Variants in RBFOX1 observed in about 807,000 individuals in gnomAD.
RBFOX1 encodes RNA binding fox-1 homolog 1, also known as RNA binding protein fox-1 homolog 1.
RBFOX1 carries 8 observed loss-of-function variants against 57.7 expected under a neutral mutation model. The ratio of observed to expected loss-of-function variants is 0.14; its 90% CI spans 0.08 to 0.25. The LOEUF (loss-of-function observed/expected upper bound fraction) is 0.25. Among genes scored for constraint, RBFOX1 ranks in the 10% least tolerant of loss-of-function variants. The pLI is 1.00. For missense variants in RBFOX1, 611 were observed against 548.5 expected, an observed-to-expected ratio of 1.11 and a Z score of -1.14; for synonymous variants, 326 against 222.4, an observed-to-expected ratio of 1.47 and a Z score of -4.15.
chr16:6,869,943 G>T (rs1444932253), intron 3 of RBFOX1, among the ~76,000 whole-genome samples: 1 of 152,148 alleles, frequency 6.6e-6, no homozygotes, highest in African/African-American at 2.4e-5. Flanking sequence ...GCGTCTTGGG[G>T]ACTGCTTACT....
chr16:5,813,615 A>G (rs2055514289), intron 3 of RBFOX1, among the ~76,000 whole-genome samples: 1 of 152,222 alleles, frequency 6.6e-6, no homozygotes. Context: ...GGCAAGTCTC[A>G]CTATTGAGTT....
chr16:5,538,759 TG>T (rs767896467), intron 2 of RBFOX1, among the ~76,000 whole-genome samples: 33 of 152,212 alleles, frequency 2.2e-4, no homozygotes, highest in Admixed American at 5.2e-4. Flanking sequence ...CCCGAGTAGC[TG>T]GGACTACAGG....
intron 3 of RBFOX1, among the ~76,000 whole-genome samples, chr16:6,994,893 G>A (rs2092022904): frequency 6.6e-6 from 1 of 151,622 alleles, no homozygotes; most frequent in Non-Finnish European, 1.5e-5. Context: ...AATTAACTTG[G>A]ATATCTCTAT....
chr16:7,579,607 C>G (rs2093598340), intron 5 of RBFOX1, among the ~76,000 whole-genome samples, 170 bp from the exon 6 acceptor site: 1 of 152,192 alleles, frequency 6.6e-6, no homozygotes, highest in Non-Finnish European at 1.5e-5. Context: ...CCAGTGGACG[C>G]TCAGAAAACA....
At chr16:5,673,223 C>A (rs1596688167) in intron 3 of RBFOX1, among the ~76,000 whole-genome samples, 1 of 151,996 alleles carries the variant, frequency 6.6e-6, no homozygotes, top group African/African-American at 2.4e-5. Context: ...GTAGAAGTCA[C>A]AGAGAAGGGG....
intron 4 of RBFOX1, among the ~76,000 whole-genome samples, chr16:5,985,613 A>G (rs1368121678): frequency 6.6e-6 from 1 of 152,180 alleles, no homozygotes; most frequent in Admixed American, 6.5e-5. Flanking sequence ...AGCAGCCCCC[A>G]GGGGAGGGGG....
chr16:7,625,452 G>A (rs2142269183), intron 10 of RBFOX1, among the ~76,000 whole-genome samples: 1 of 152,206 alleles, frequency 6.6e-6, no homozygotes, highest in East Asian at 1.9e-4. Flanking sequence ...TCCTGTATTA[G>A]AGGTACAGAC....
At chr16:6,803,831 AT>A (rs1046844212) in intron 3 of RBFOX1, among the ~76,000 whole-genome samples, 1 of 152,034 alleles carries the variant, frequency 6.6e-6, no homozygotes, top group Non-Finnish European at 1.5e-5. Flanking sequence ...TACATTTCTA[AT>A]TTTTTCCTAA....
At chr16:7,557,462 A>C (rs762722499) in intron 5 of RBFOX1, among the ~76,000 whole-genome samples, 4 of 151,822 alleles carry the variant, frequency 2.6e-5, no homozygotes, top group Non-Finnish European at 5.9e-5. Context: ...TTTACTAAAA[A>C]TATAAAAATT....
intron 3 of RBFOX1, among the ~76,000 whole-genome samples, chr16:7,043,279 C>G (rs2046792989): frequency 6.6e-6 from 1 of 152,126 alleles, no homozygotes; most frequent in South Asian, 2.1e-4. Context: ...TCTTTTCTAT[C>G]ACATACGACC....
chr16:6,963,480 T>C (rs1017886445), intron 3 of RBFOX1, among the ~76,000 whole-genome samples: 11 of 152,114 alleles, frequency 7.2e-5, no homozygotes, highest in African/African-American at 2.7e-4. Flanking sequence ...CACTGGTCAG[T>C]AATGAGATAC....
intron 1 of RBFOX1, among the ~76,000 whole-genome samples, chr16:6,297,932 A>G (rs541430768): frequency 5.3e-5 from 8 of 152,274 alleles, no homozygotes; most frequent in East Asian, 3.9e-4. Context: ...CCACCGCTCA[A>G]TAAAACACCT....
chr16:5,693,776 C>T (rs75781069), intron 3 of RBFOX1, among the ~76,000 whole-genome samples: 11 of 152,276 alleles, frequency 7.2e-5, no homozygotes, highest in Non-Finnish European at 1.2e-4. Flanking sequence ...CGTGGAATTC[C>T]TTCCTCTCCC....
At chr16:5,770,645 T>C (rs889873182) in intron 3 of RBFOX1, among the ~76,000 whole-genome samples, 2 of 152,250 alleles carry the variant, frequency 1.3e-5, no homozygotes, top group Non-Finnish European at 1.5e-5. Flanking sequence ...TTTACTCTGT[T>C]GGCTCACTCT....
intron 1 of RBFOX1, among the ~76,000 whole-genome samples, chr16:6,260,039 C>G (rs2097692468): frequency 6.6e-6 from 1 of 151,858 alleles, no homozygotes; most frequent in African/African-American, 2.4e-5. Flanking sequence ...AAAACAATTC[C>G]TTTATCTTCG....
At chr16:6,344,036 C>A (rs1422405294) in intron 2 of RBFOX1, among the ~76,000 whole-genome samples, 1 of 151,868 alleles carries the variant, frequency 6.6e-6, no homozygotes, top group African/African-American at 2.4e-5. Context: ...GGTAATCAGT[C>A]CTTCTTCATC....
chr16:7,342,415 T>C (rs9939874), intron 4 of RBFOX1, among the ~76,000 whole-genome samples: 61,839 of 152,096 alleles, frequency 0.41, 15,470 homozygotes, highest in African/African-American at 0.71. Flanking sequence ...TCAACCTGTC[T>C]GCGGGGATGG....
chr16:5,937,997 C>T (rs777057224), intron 4 of RBFOX1, among the ~76,000 whole-genome samples: 1 of 152,042 alleles, frequency 6.6e-6, no homozygotes, highest in Non-Finnish European at 1.5e-5. Context: ...TAATTTAAAT[C>T]ACATTTAATT....
chr16:7,609,546 G>C (rs963828442), intron 10 of RBFOX1, among the ~76,000 whole-genome samples: 3 of 152,122 alleles, frequency 2.0e-5, no homozygotes, highest in Non-Finnish European at 4.4e-5. Context: ...AGATCATTAA[G>C]TTAGAGGAAA....
Sources: allele counts gnomAD v4.1 joint callset (sites outside exome capture counted in the v4.1 genomes callset), GRCh38; gene constraint gnomAD v4.1.1; transcripts MANE v1.5; gene names NCBI Gene and HGNC (gene_info 2026-07-23, HGNC 2026-07-21).